The following H6PD variants were observed in gnomAD, a reference collection of about 807,000 sequenced individuals.
H6PD encodes the protein GDH/6PGL endoplasmic bifunctional protein.
In H6PD, 48 loss-of-function variants were observed where a neutral mutation model predicts 61.2. The ratio of observed to expected loss-of-function variants is 0.78; its 90% CI spans 0.62 to 1.00. The LOEUF (loss-of-function observed/expected upper bound fraction) is 1.00. Ranked by LOEUF, H6PD falls within the 50% of genes least tolerant of loss-of-function variation. H6PD has a pLI of 0.00. For missense variants in H6PD, 1,093 were observed against 1,065.0 expected (o/e 1.03, Z -0.37); for synonymous variants, 480 against 457.9 (o/e 1.05, Z -0.62).
At position 9,254,220 on chromosome 1, in the gene H6PD, T is replaced by C. The variant is rs1641450225; in HGVS notation, c.745+7137T>C. ...AAATACAAAAATTATCCAGGCATGGTAGTTTGTGCCTGTAATCCCAGCTAC... is the reference window on the plus strand; with the variant it reads ...AAATACAAAAATTATCCAGGCATGGCAGTTTGTGCCTGTAATCCCAGCTAC... On this transcript the variant is annotated intron_variant, in intron 3 of 4. Coordinates refer to ENST00000377403, the MANE Select transcript of H6PD (RefSeq NM_004285.4). The surrounding 1 kb of genome is among the most constrained non-coding windows in gnomAD (Gnocchi z 4.6). Among the ~76,000 whole-genome samples the C allele has an allele frequency of 6.6e-6, 1 of 152,000 alleles. No homozygotes were observed. The highest frequency in any genetic ancestry group is 1.5e-5 in the Non-Finnish European group (1 of 68,002).
At chr1:9,259,190 C>T (rs1158338654) in intron 3 of H6PD, among the ~76,000 whole-genome samples, 1 of 152,198 alleles carries the variant, frequency 6.6e-6, no homozygotes, top group Non-Finnish European at 1.5e-5. Flanking sequence ...GACGGGGTTT[C>T]ACCATGTTAG....
chr1:9,263,780 A>G lies in H6PD; in HGVS notation c.1287A>G (p.Glu429=), dbSNP rs761795776. 8 of 1,613,824 alleles carry G rather than the reference A, an allele frequency of 5.0e-6. No homozygotes were observed. In the African/African-American group the frequency reaches 6.7e-5, roughly 13 times the overall value. The change falls in exon 5 of 5, where the codon GAA becomes GAG. Residue 429 remains glutamate, a synonymous_variant. Coordinates refer to ENST00000377403, the MANE Select transcript of H6PD (RefSeq NM_004285.4). ...CCTCCCTGCCCTCCAGCTGGAAGGA[A>G]ATGGAGGGACCACCTGGGCTCCGCC... is the stretch of plus-strand genomic sequence containing the variant. ...FRPSLPSSWK[E]MEGPPGLRLF... is the part of the protein sequence containing the mutation.
chr1:9,265,339 G>T lies in H6PD; in HGVS notation c.*470G>T. 1 of 311,688 alleles carries T rather than the reference G, an allele frequency of 3.2e-6. No individual in the cohort carries two copies. The highest frequency in any genetic ancestry group is 6.2e-6 in the Non-Finnish European group (1 of 160,340). 19.3% of individuals were successfully genotyped at this position (311,688 alleles called of 1,614,324 possible). On this transcript the variant is annotated 3_prime_UTR_variant, in exon 5 of 5. Transcript: ENST00000377403. ...CAGAAGGGTGCAGAGGCGCCCAGGGGAGTACATTGCCCCGTGCAAAGCAGG... is the reference window on the plus strand; with the variant it reads ...CAGAAGGGTGCAGAGGCGCCCAGGGTAGTACATTGCCCCGTGCAAAGCAGG...
chr1:9,263,742 A>C lies in H6PD; in HGVS notation c.1249A>C (p.Asn417His), dbSNP rs748119651. ...LGSPAVLVSR[N>H]LFRPSLPSSW... ...CAGCCCTGCCGTGCTGGTCAGCAGG[A>C]ACCTGTTCAGGCCCTCCCTGCCCTC... The change falls in exon 5 of 5, where the codon AAC (asparagine) becomes CAC (histidine). Residue 417 changes from asparagine to histidine, a missense_variant. Asn to His is a moderately conservative substitution (Grantham distance 68). Transcript: ENST00000377403. The C allele has an allele frequency of 1.6e-4, 259 of 1,613,872 alleles. 1 individual carries two copies. The highest frequency in any genetic ancestry group is 2.1e-4 in the Non-Finnish European group (250 of 1,180,010).
At chr1:9,241,953 C>T (rs113888586) in intron 1 of H6PD, among the ~76,000 whole-genome samples, 2,434 of 152,262 alleles carry the variant, frequency 0.016, 64 homozygotes, top group African/African-American at 0.056. Flanking sequence ...ATCTGGCACA[C>T]GCCGACTACT....
intron 3 of H6PD, among the ~76,000 whole-genome samples, chr1:9,253,035 G>A (rs1015848233): frequency 6.6e-5 from 10 of 152,108 alleles, no homozygotes; most frequent in Admixed American, 5.9e-4. Flanking sequence ...CCACAATAAC[G>A]GGCAGTAACT....
chr1:9,268,431 C>T lies in H6PD; in HGVS notation c.*3562C>T, dbSNP rs1557430112. The T allele has an allele frequency of 1.3e-5, 2 of 152,136 alleles. No homozygotes were observed. The highest frequency in any genetic ancestry group is 2.9e-5 in the Non-Finnish European group (2 of 68,024). 9.4% of individuals were successfully genotyped at this position (152,136 alleles called of 1,614,324 possible). A position where few individuals can be genotyped will look rare whatever the true frequency, so the allele number is the denominator to read the frequency against. ...GGTTCCCTGGTGGGGACCAATGATT[C>T]CATCCGCATGGAAGCCCACGTGTGC... On this transcript the variant is annotated 3_prime_UTR_variant, in exon 5 of 5. Coordinates refer to ENST00000377403, the MANE Select transcript of H6PD (RefSeq NM_004285.4).
intron 3 of H6PD, among the ~76,000 whole-genome samples, chr1:9,258,301 G>C (rs1016455208): frequency 1.3e-5 from 2 of 152,070 alleles, no homozygotes; most frequent in African/African-American, 4.8e-5. Flanking sequence ...GTGTTGTTAC[G>C]TTGTTATACC....
chr1:9,251,194 C>G (rs964494727), intron 3 of H6PD, among the ~76,000 whole-genome samples: 2 of 152,174 alleles, frequency 1.3e-5, no homozygotes, highest in African/African-American at 4.8e-5. Context: ...CGGGAGGGCT[C>G]TGCAGACAGG....
chr1:9,247,569 C>T (rs528552952), intron 3 of H6PD, among the ~76,000 whole-genome samples: 24 of 152,296 alleles, frequency 1.6e-4, no homozygotes, highest in Non-Finnish European at 2.8e-4. Flanking sequence ...CCCTCACCCT[C>T]ACGGCGCCAC....
At chr1:9,239,350 G>T (rs1165036179) in intron 1 of H6PD, among the ~76,000 whole-genome samples, 2 of 152,152 alleles carry the variant, frequency 1.3e-5, no homozygotes, top group Non-Finnish European at 2.9e-5. Context: ...ATGGGATGAG[G>T]ATTCTCTGAG....
intron 3 of H6PD, among the ~76,000 whole-genome samples, chr1:9,248,166 C>T (rs1247632011): frequency 6.6e-6 from 1 of 152,220 alleles, no homozygotes; most frequent in African/African-American, 2.4e-5. Flanking sequence ...CGGGAGCACC[C>T]GAGGCCACTG....
In H6PD at chr1:9,264,645, C is replaced by T. The variant is rs554286034; in HGVS notation, c.2152C>T (p.Leu718=). Residue 718 remains leucine, a synonymous_variant, in exon 5 of 5, where the codon CTG becomes TTG. Transcript: ENST00000377403. ...TGLDGEQLVV[L]TTSPSQPHRR... ...CCTGGATGGCGAGCAGCTGGTCGTG[C>T]TGACCACGAGCCCCTCCCAGCCACA... 11 of 1,612,964 alleles carry T rather than the reference C, an allele frequency of 6.8e-6. No homozygotes were observed. Among genetic ancestry groups the T allele is most frequent in the East Asian group, 2.2e-5 (1 of 44,868 alleles).
Position 9,264,286 on chromosome 1 carries a change from T to C in H6PD, c.1793T>C (p.Leu598Pro), listed in dbSNP as rs780198446. ...ALSGGSSPVA[L>P]FQQLATAHYG... ...TCGGGGGGCTCGAGCCCCGTGGCCC[T>C]GTTCCAGCAGCTGGCCACGGCGCAC... The change falls in exon 5 of 5, where the codon CTG (leucine) becomes CCG (proline). Residue 598 changes from leucine (L) to proline (P), a missense_variant. Physicochemically the swap from Leu to Pro is moderately conservative, Grantham distance 98. Coordinates refer to ENST00000377403, the MANE Select transcript of H6PD (RefSeq NM_004285.4). 3 of 1,610,714 alleles carry C rather than the reference T, an allele frequency of 1.9e-6. No homozygotes were observed. Among genetic ancestry groups the C allele is most frequent in the African/African-American group, 1.3e-5 (1 of 74,922 alleles).
intron 3 of H6PD, among the ~76,000 whole-genome samples, chr1:9,259,577 T>G (rs952903477): frequency 6.6e-6 from 1 of 152,210 alleles, no homozygotes; most frequent in Non-Finnish European, 1.5e-5. Context: ...CCAGTGTTGT[T>G]ACATTGTCAC....
rs34580447 is a variant in H6PD at position 9,263,835 on chromosome 1, G to T, written c.1342G>T (p.Ala448Ser). The T allele has an allele frequency of 6.2e-7, 1 of 1,613,890 alleles. No homozygotes were observed. Residue 448 changes from alanine to serine, a missense_variant, in exon 5 of 5, where the codon GCC becomes TCC. Ala to Ser is a moderately conservative substitution (Grantham distance 99). Transcript: ENST00000377403. ...LFGSPLSDYYAYSPVRERDAH... is the reference protein window; with the variant it reads ...LFGSPLSDYYSYSPVRERDAH... ...CGGCAGCCCTCTGTCCGATTACTACGCCTACAGCCCTGTGCGGGAGCGGGA... is the reference window on the plus strand; with the variant it reads ...CGGCAGCCCTCTGTCCGATTACTACTCCTACAGCCCTGTGCGGGAGCGGGA...
chr1:9,263,677 C>T lies in H6PD; in HGVS notation c.1184C>T (p.Pro395Leu), dbSNP rs757102104. 4 of 1,613,932 alleles carry T rather than the reference C, an allele frequency of 2.5e-6. No homozygotes were observed. Among genetic ancestry groups the T allele is most frequent in the Non-Finnish European group, 3.4e-6 (4 of 1,180,014 alleles). ...GCCGCGGCGCAGAGCCAGTGCCTGC[C>T]CCGGCAGCTCGTCTTCCACATCGGC... ...HWAAAQSQCL[P>L]RQLVFHIGHG... The change falls in exon 5 of 5, where the codon CCC becomes CTC. Residue 395 changes from proline to leucine, a missense_variant. By Grantham distance (98) the Pro-to-Leu change is moderately conservative (BLOSUM62 -3). Coordinates refer to ENST00000377403, the MANE Select transcript of H6PD (RefSeq NM_004285.4).
Position 9,263,776 on chromosome 1 carries a change from A to G in H6PD, c.1283A>G (p.Lys428Arg). The G allele has an allele frequency of 6.2e-7, 1 of 1,614,004 alleles. No homozygotes were observed. The highest frequency in any genetic ancestry group is 8.5e-7 in the Non-Finnish European group (1 of 1,180,030). The change falls in exon 5 of 5, where the codon AAG (lysine) becomes AGG (arginine). Residue 428 changes from lysine to arginine, a missense_variant. Transcript: ENST00000377403. ...LFRPSLPSSWKEMEGPPGLRL... is the reference protein window; with the variant it reads ...LFRPSLPSSWREMEGPPGLRL... The stretch of plus-strand genomic sequence containing the variant: ...AGGCCCTCCCTGCCCTCCAGCTGGA[A>G]GGAAATGGAGGGACCACCTGGGCTC...
Position 9,263,823 on chromosome 1 carries a change from T to C in H6PD, c.1330T>C (p.Ser444Pro), listed in dbSNP as rs1231939596. ...PGLRLFGSPL[S>P]DYYAYSPVRE... ...GCTCCGCCTTTTCGGCAGCCCTCTG[T>C]CCGATTACTACGCCTACAGCCCTGT... Residue 444 changes from serine (S) to proline (P), a missense_variant, in exon 5 of 5, where the codon TCC (serine) becomes CCC (proline). By Grantham distance (74) the Ser-to-Pro change is moderately conservative (BLOSUM62 -1). Coordinates refer to ENST00000377403, the MANE Select transcript of H6PD (RefSeq NM_004285.4). 1 of 1,613,906 alleles carries C rather than the reference T, an allele frequency of 6.2e-7. No homozygotes were observed. The highest frequency in any genetic ancestry group is 1.3e-5 in the African/African-American group (1 of 75,042).
Sources: allele counts gnomAD v4.1 joint callset (sites outside exome capture counted in the v4.1 genomes callset), GRCh38; gene constraint gnomAD v4.1.1; non-coding constraint Gnocchi (gnomAD v3.1); transcripts MANE v1.5; gene names NCBI Gene and HGNC (gene_info 2026-07-23, HGNC 2026-07-21).